Variants in PLAAT3 observed in about 807,000 individuals in gnomAD.
The protein encoded by PLAAT3 is Ca-independent phospholipase A1/2.
PLAAT3 carries 21 observed loss-of-function variants against 16.7 expected under a neutral mutation model. The ratio of observed to expected loss-of-function variants is 1.26; its 90% CI spans 0.89 to 1.81. The LOEUF is 1.81. PLAAT3 is among the 40% of genes most tolerant of loss of function. The pLI, the probability that PLAAT3 is intolerant of heterozygous loss-of-function variation, is 0.00. For synonymous variants in PLAAT3, 76 were observed against 81.7 expected (o/e 0.93, Z 0.38); for missense variants, 219 against 213.7 (o/e 1.02, Z -0.16).
chr11:63,576,708 G>T (rs1421965931), intron 4 of PLAAT3, among the ~76,000 whole-genome samples: 1 of 147,432 alleles, frequency 6.8e-6, no homozygotes, highest in Non-Finnish European at 1.5e-5. Context: ...TATATAGAGG[G>T]TAAGAGAATA....
At chr11:63,608,409 C>G (rs1938620151) in intron 2 of PLAAT3, 1 of 152,290 alleles carries the variant, frequency 6.6e-6, no homozygotes, top group Admixed American at 6.6e-5. Flanking sequence ...CTTCCTCACC[C>G]CTGCAAAGAA....
chr11:63,601,993 A>AAC (rs1350781678), intron 2 of PLAAT3, among the ~76,000 whole-genome samples: 23 of 150,330 alleles, frequency 1.5e-4, no homozygotes, highest in Non-Finnish European at 2.4e-4. Context: ...AAAAAAAAAA[A>AAC]AAAACAAAAG....
intron 3 of PLAAT3, among the ~76,000 whole-genome samples, chr11:63,595,241 AG>A (rs1488858491): frequency 6.6e-6 from 1 of 151,180 alleles, no homozygotes; most frequent in African/African-American, 2.4e-5. Flanking sequence ...CAGTGAGCCA[AG>A]ATCATGCCCC....
intron 2 of PLAAT3, 92 bp downstream of exon 2, chr11:63,613,908 T>C (rs909894966): frequency 2.0e-5 from 16 of 798,834 alleles, no homozygotes; most frequent in Non-Finnish European, 3.4e-5. Flanking sequence ...GAGGCTCCTC[T>C]CTCGGAAGCA....
At chr11:63,583,191 C>T (rs1300184145) in intron 4 of PLAAT3, among the ~76,000 whole-genome samples, 1 of 152,092 alleles carries the variant, frequency 6.6e-6, no homozygotes, top group African/African-American at 2.4e-5. Flanking sequence ...ATGGAGCTAC[C>T]AACCTGAGGT....
chr11:63,596,208 C>T (rs1938283324), intron 3 of PLAAT3, among the ~76,000 whole-genome samples: 1 of 142,708 alleles, frequency 7.0e-6, no homozygotes, highest in East Asian at 2.0e-4. Context: ...CCACTACACT[C>T]CAGCCTGGGC....
At chr11:63,615,763 G>A (rs890363822), upstream of PLAAT3, among the ~76,000 whole-genome samples, 3 of 150,708 alleles carry the variant, frequency 2.0e-5, no homozygotes, top group South Asian at 4.2e-4. Context: ...TCTGCCTTCC[G>A]GGCAAGCGAT....
At chr11:63,592,524 G>T (rs2134411028) in intron 3 of PLAAT3, among the ~76,000 whole-genome samples, 1 of 152,270 alleles carries the variant, frequency 6.6e-6, no homozygotes, top group East Asian at 1.9e-4. Context: ...AATATGAAGT[G>T]AACAATCACA....
chr11:63,602,072 GA>G (rs1938446863), intron 2 of PLAAT3, among the ~76,000 whole-genome samples: 3 of 151,542 alleles, frequency 2.0e-5, no homozygotes, highest in Non-Finnish European at 2.9e-5. Context: ...CAGATCACGT[GA>G]AGTCAGAAGT....
At chr11:63,577,903 G>A (rs1937659016) in intron 4 of PLAAT3, among the ~76,000 whole-genome samples, 1 of 151,920 alleles carries the variant, frequency 6.6e-6, no homozygotes, top group Admixed American at 6.6e-5. Context: ...AAAGTTGAAA[G>A]ATAAAGCTAA....
chr11:63,606,670 G>A (rs1490867230), intron 2 of PLAAT3, among the ~76,000 whole-genome samples: 1 of 152,182 alleles, frequency 6.6e-6, no homozygotes, highest in African/African-American at 2.4e-5. Context: ...CCTTGCAGAT[G>A]GCTAACACCT....
At chr11:63,594,014 G>A (rs369538814) in intron 3 of PLAAT3, among the ~76,000 whole-genome samples, 6 of 152,194 alleles carry the variant, frequency 3.9e-5, no homozygotes, top group Admixed American at 1.3e-4. Flanking sequence ...ATACCAGGGC[G>A]CTGCAGTGGG....
chr11:63,577,350 T>C (rs1937645278), intron 4 of PLAAT3, among the ~76,000 whole-genome samples: 1 of 152,150 alleles, frequency 6.6e-6, no homozygotes, highest in Non-Finnish European at 1.5e-5. Flanking sequence ...TTTTGTATTT[T>C]TAGTACAGAT....
At chr11:63,614,095 T>C (rs1461619090) in intron 1 of PLAAT3, 27 bp from the exon 2 acceptor site, 1 of 1,608,318 alleles carries the variant, frequency 6.2e-7, no homozygotes, top group African/African-American at 1.3e-5. Flanking sequence ...AGGGATTTAT[T>C]GTCATTAACA....
intron 4 of PLAAT3, among the ~76,000 whole-genome samples, chr11:63,582,552 G>GA (rs1416388155): frequency 6.6e-6 from 1 of 152,042 alleles, no homozygotes; most frequent in Non-Finnish European, 1.5e-5. Flanking sequence ...TTATCATAAA[G>GA]AAAAAAGAAC....
upstream of PLAAT3, among the ~76,000 whole-genome samples, chr11:63,615,561 T>C (rs1299806792): frequency 6.6e-6 from 1 of 152,040 alleles, no homozygotes. Context: ...ACCTTCCTTA[T>C]ACTAGAAGAA....
chr11:63,590,942 G>T (rs930736738), intron 3 of PLAAT3, among the ~76,000 whole-genome samples: 7 of 152,238 alleles, frequency 4.6e-5, no homozygotes, highest in Admixed American at 6.5e-5. Context: ...GAAATGAAAT[G>T]ATCTTGAAGA....
intron 4 of PLAAT3, among the ~76,000 whole-genome samples, chr11:63,580,388 G>T (rs1937771723): frequency 6.6e-6 from 1 of 152,210 alleles, no homozygotes; most frequent in Non-Finnish European, 1.5e-5. Context: ...AGGTGTGGTG[G>T]CTCACGCCTG....
chr11:63,598,797 C>G, intron 2 of PLAAT3: 1 of 490,738 alleles, frequency 2.0e-6, no homozygotes, highest in Non-Finnish European at 4.0e-6. Context: ...TGGCATCAGT[C>G]TCCAGCAGTA....
Sources: allele counts gnomAD v4.1 joint callset (sites outside exome capture counted in the v4.1 genomes callset), GRCh38; gene constraint gnomAD v4.1.1; transcripts MANE v1.5; gene names NCBI Gene and HGNC (gene_info 2026-07-23, HGNC 2026-07-21).